The following PDE1C variants were observed in gnomAD, a reference collection of about 807,000 sequenced individuals.
PDE1C encodes the protein dual specificity calcium/calmodulin-dependent 3',5'-cyclic nucleotide phosphodiesterase 1C.
PDE1C carries 62 observed loss-of-function variants against 93.1 expected under a neutral mutation model. The observed-to-expected ratio is 0.67, with a 90% CI of 0.54 to 0.82. The LOEUF is 0.82. Among genes scored for constraint, PDE1C ranks in the 40% least tolerant of loss-of-function variants. The pLI is 0.00. For missense variants in PDE1C, 742 were observed against 884.6 expected (o/e 0.84, Z 2.04); for synonymous variants, 325 against 310.1 (o/e 1.05, Z -0.50).
At chr7:32,111,437 C>T (rs1798633928) in intron 3 of PDE1C, among the ~76,000 whole-genome samples, 1 of 152,160 alleles carries the variant, frequency 6.6e-6, no homozygotes, top group East Asian at 1.9e-4. Flanking sequence ...TTGTCAGAAT[C>T]CTTCCCCCAT....
the PDE1C span, among the ~76,000 whole-genome samples, chr7:31,718,536 A>G: frequency 8.5e-5 from 13 of 152,278 alleles, no homozygotes; most frequent in African/African-American, 3.1e-4. Flanking sequence ...GCTCAACTAC[A>G]TCTGAAGGGA....
At chr7:32,021,744 C>G (rs1328339695) in intron 2 of PDE1C, among the ~76,000 whole-genome samples, 2 of 152,006 alleles carry the variant, frequency 1.3e-5, no homozygotes, top group African/African-American at 4.8e-5. Flanking sequence ...TGATGTCTAT[C>G]CACAGGTAGA....
chr7:32,248,136 T>G (rs1809101302), intron 1 of PDE1C, among the ~76,000 whole-genome samples: 1 of 152,140 alleles, frequency 6.6e-6, no homozygotes, highest in African/African-American at 2.4e-5. Flanking sequence ...AGATAATTAT[T>G]TAATATTATA....
chr7:32,011,368 AT>A (rs2128587489), intron 2 of PDE1C, among the ~76,000 whole-genome samples: 1 of 151,992 alleles, frequency 6.6e-6, no homozygotes, highest in South Asian at 2.1e-4. Flanking sequence ...AATTTTTTGT[AT>A]TTTTAGTAGA....
At chr7:31,927,169 C>CTT (rs371783267) in intron 2 of PDE1C, among the ~76,000 whole-genome samples, 71,199 of 151,554 alleles carry the variant, frequency 0.47, 16,842 homozygotes, top group African/African-American at 0.5. Context: ...GGTGGTTAAA[C>CTT]CCCTCACAGT....
chr7:31,849,260 A>G (rs1373713928), intron 8 of PDE1C, among the ~76,000 whole-genome samples: 1 of 152,154 alleles, frequency 6.6e-6, no homozygotes, highest in Non-Finnish European at 1.5e-5. Flanking sequence ...TCCAGGCAAG[A>G]CCCACATATG....
upstream of PDE1C, among the ~76,000 whole-genome samples, chr7:32,076,018 A>C (rs1796330279): frequency 6.6e-6 from 1 of 152,146 alleles, no homozygotes; most frequent in African/African-American, 2.4e-5. Context: ...CAACAGAGGC[A>C]TGGTTAGTCT....
At chr7:31,727,597 A>G in the PDE1C span, among the ~76,000 whole-genome samples, 3 of 152,188 alleles carry the variant, frequency 2.0e-5, no homozygotes, top group African/African-American at 7.2e-5. Context: ...CATTTTATAG[A>G]GGAGGAAACT....
At chr7:32,088,646 G>C (rs149557063) in intron 3 of PDE1C, among the ~76,000 whole-genome samples, 1 of 152,358 alleles carries the variant, frequency 6.6e-6, no homozygotes, top group Non-Finnish European at 1.5e-5. Context: ...ATGTCGCTGG[G>C]TGTTTGCAAA....
At chr7:31,713,969 C>A in the PDE1C span, among the ~76,000 whole-genome samples, 4,436 of 152,272 alleles carry the variant, frequency 0.029, 105 homozygotes, top group African/African-American at 0.04. Flanking sequence ...CTCTGACATG[C>A]CCTAGAGACA....
intron 2 of PDE1C, among the ~76,000 whole-genome samples, chr7:31,902,366 G>C (rs1347907712): frequency 6.6e-6 from 1 of 151,698 alleles, no homozygotes; most frequent in Non-Finnish European, 1.5e-5. Context: ...AATTTCACTG[G>C]GATTTCATTT....
chr7:32,306,206 A>G (rs2128903277), intron 1 of PDE1C, among the ~76,000 whole-genome samples: 1 of 152,268 alleles, frequency 6.6e-6, no homozygotes, highest in African/African-American at 2.4e-5. Context: ...TTTTCTTTAT[A>G]AATTACTCAG....
intron 1 of PDE1C, among the ~76,000 whole-genome samples, chr7:32,392,954 C>G (rs1784776454): frequency 7.1e-6 from 1 of 140,242 alleles, no homozygotes; most frequent in Admixed American, 8.2e-5. Flanking sequence ...GAGGCTGAGA[C>G]AGGAGAATCA....
chr7:31,657,583 A>G, the PDE1C span, among the ~76,000 whole-genome samples: 2 of 152,194 alleles, frequency 1.3e-5, no homozygotes, highest in Non-Finnish European at 2.9e-5. Flanking sequence ...CCACTTGCCC[A>G]CTGCCAAGAA....
chr7:32,299,171 G>C, exon 1 of PDE1C: 17 of 998,832 alleles, frequency 1.7e-5, no homozygotes, highest in Non-Finnish European at 2.0e-5. Context: ...TGGCTGGGGG[G>C]ATTTGGGGAC....
intron 3 of PDE1C, among the ~76,000 whole-genome samples, chr7:32,083,940 C>A (rs372714881): frequency 1.3e-5 from 2 of 150,664 alleles, no homozygotes; most frequent in African/African-American, 4.9e-5. Context: ...GAAACTACAT[C>A]AACTAACGAG....
intron 1 of PDE1C, among the ~76,000 whole-genome samples, chr7:32,064,324 C>A (rs923466446): frequency 6.6e-6 from 1 of 152,180 alleles, no homozygotes; most frequent in Admixed American, 6.5e-5. Flanking sequence ...TTATCCTAGC[C>A]TGCTCTTATC....
intron 3 of PDE1C, among the ~76,000 whole-genome samples, chr7:32,146,350 T>G (rs1800833551): frequency 6.6e-6 from 1 of 152,178 alleles, no homozygotes; most frequent in East Asian, 1.9e-4. Context: ...TGGATTTCAC[T>G]GGGGTAAAAT....
At chr7:32,245,148 C>T (rs1036388635) in intron 1 of PDE1C, among the ~76,000 whole-genome samples, 1 of 152,140 alleles carries the variant, frequency 6.6e-6, no homozygotes, top group Non-Finnish European at 1.5e-5. Context: ...GGAGAAAATG[C>T]ACCCACAGCA....
Sources: allele counts gnomAD v4.1 joint callset (sites outside exome capture counted in the v4.1 genomes callset), GRCh38; gene constraint gnomAD v4.1.1; transcripts MANE v1.5; gene names NCBI Gene and HGNC (gene_info 2026-07-23, HGNC 2026-07-21).